Variants in CREB5 observed in about 807,000 individuals in gnomAD.
CREB5 encodes cyclic AMP-responsive element-binding protein 5.
Under a neutral mutation model 57.1 loss-of-function variants are expected in CREB5, and 19 were observed. The observed-to-expected ratio is 0.33, with a 90% CI of 0.23 to 0.49. CREB5 has a LOEUF of 0.49. Among genes scored for constraint, CREB5 ranks in the 20% least tolerant of loss-of-function variants. The probability of loss-of-function intolerance (pLI) is 0.99; values close to 1 mark genes in which losing one functional copy is unlikely to be tolerated. For missense variants in CREB5, 579 were observed against 671.6 expected (o/e 0.86, Z 1.52); for synonymous variants, 238 against 238.3 (o/e 1.00, Z 0.01).
intron 3 of CREB5, among the ~76,000 whole-genome samples, chr7:28,505,483 AT>A (rs1266752495): frequency 2.0e-5 from 3 of 152,154 alleles, no homozygotes; most frequent in South Asian, 4.1e-4. Context: ...AACTTTAGAA[AT>A]TTTTTTGAAA....
chr7:28,499,890 T>C (rs1792206621), intron 3 of CREB5, among the ~76,000 whole-genome samples: 1 of 152,206 alleles, frequency 6.6e-6, no homozygotes, highest in African/African-American at 2.4e-5. Flanking sequence ...GCCAACTGTG[T>C]GTCTTTCAAA....
Position 28,821,676 on chromosome 7 carries a change from T to G in CREB5, c.*2397T>G, listed in dbSNP as rs554394696. ...ACTCAGCTTTAAAAAGAAGTTAACA[T>G]TCATATCTCTGTTTTGAAATCAAAA... On this transcript the variant is annotated 3_prime_UTR_variant, in exon 11 of 11. Coordinates refer to ENST00000357727, the MANE Select transcript of CREB5 (RefSeq NM_182898.4). The G allele has an allele frequency of 2.6e-5, 4 of 152,302 alleles. No homozygotes were observed. The highest frequency in any genetic ancestry group is 2.6e-4 in the Admixed American group (4 of 15,298). 9.4% of individuals were successfully genotyped at this position (152,302 alleles called of 1,614,324 possible).
intron 1 of CREB5, among the ~76,000 whole-genome samples, chr7:28,484,018 T>C (rs1203433034): frequency 2.0e-5 from 3 of 152,202 alleles, no homozygotes; most frequent in Non-Finnish European, 4.4e-5. Flanking sequence ...AGGATCATTA[T>C]CCATTCCACA....
upstream of CREB5, among the ~76,000 whole-genome samples, chr7:28,407,645 T>C (rs914226122): frequency 9.2e-5 from 14 of 152,238 alleles, no homozygotes; most frequent in Non-Finnish European, 1.9e-4. Context: ...ATTTTATTTC[T>C]ACAATAAGTA....
At chr7:28,815,250 A>G (rs1309484170) in intron 9 of CREB5, among the ~76,000 whole-genome samples, 18 of 152,212 alleles carry the variant, frequency 1.2e-4, no homozygotes, top group African/African-American at 4.3e-4. Flanking sequence ...TCCAGCCTGG[A>G]CGACATAGCA....
intron 1 of CREB5, among the ~76,000 whole-genome samples, chr7:28,346,283 G>A (rs147608383): frequency 8.7e-4 from 132 of 152,338 alleles, no homozygotes; most frequent in African/African-American, 3.0e-3. Context: ...GAAGGTGTAA[G>A]ATCAAGGCAT....
At chr7:28,392,250 G>A (rs1472278926) in intron 1 of CREB5, among the ~76,000 whole-genome samples, 1 of 152,050 alleles carries the variant, frequency 6.6e-6, no homozygotes, top group East Asian at 1.9e-4. Context: ...TGACAAACCT[G>A]CACAGGTACC....
At chr7:28,306,728 T>C (rs1427812884) in intron 1 of CREB5, among the ~76,000 whole-genome samples, 3 of 152,020 alleles carry the variant, frequency 2.0e-5, no homozygotes, top group African/African-American at 7.2e-5. Context: ...GCCCGGCTAA[T>C]TTTTTGTATT....
intron 1 of CREB5, among the ~76,000 whole-genome samples, chr7:28,479,685 A>G (rs1791242065): frequency 6.6e-6 from 1 of 152,232 alleles, no homozygotes; most frequent in Non-Finnish European, 1.5e-5. Flanking sequence ...ACTTTAGAAT[A>G]CAACCTGGGA....
chr7:28,809,053 G>C (rs1222481574), intron 8 of CREB5, 134 bp from the exon 9 acceptor site: 4 of 703,066 alleles, frequency 5.7e-6, no homozygotes, highest in Admixed American at 5.9e-5. Flanking sequence ...TTCATTCATA[G>C]GAGGCAAGTC....
chr7:28,600,832 A>G (rs1796889108), intron 5 of CREB5, among the ~76,000 whole-genome samples: 1 of 152,180 alleles, frequency 6.6e-6, no homozygotes, highest in Non-Finnish European at 1.5e-5. Flanking sequence ...TTATTCCTAG[A>G]GGAGTTGTGG....
intron 1 of CREB5, among the ~76,000 whole-genome samples, chr7:28,389,816 C>T (rs1252408970): frequency 6.6e-6 from 1 of 152,034 alleles, no homozygotes; most frequent in Non-Finnish European, 1.5e-5. Context: ...AGCGGCCCCT[C>T]CCCTCCCCCT....
At chr7:28,445,134 C>G (rs143584276) in intron 1 of CREB5, among the ~76,000 whole-genome samples, 1 of 152,294 alleles carries the variant, frequency 6.6e-6, no homozygotes, top group African/African-American at 2.4e-5. Context: ...TCTTGTAAGA[C>G]GTTCCTTTGC....
intron 5 of CREB5, among the ~76,000 whole-genome samples, chr7:28,589,275 C>T (rs934092606): frequency 3.1e-4 from 47 of 152,244 alleles, no homozygotes; most frequent in African/African-American, 1.1e-3. Context: ...GATATTTGGG[C>T]TGGGCGCAGT....
At chr7:28,678,645 T>G (rs1302492419) in intron 5 of CREB5, among the ~76,000 whole-genome samples, 1 of 152,216 alleles carries the variant, frequency 6.6e-6, no homozygotes, top group Non-Finnish European at 1.5e-5. Flanking sequence ...AATGTGGAAG[T>G]GGGTTTGGAA....
At chr7:28,653,159 CAT>C (rs565250404) in intron 5 of CREB5, among the ~76,000 whole-genome samples, 28 of 152,266 alleles carry the variant, frequency 1.8e-4, no homozygotes, top group African/African-American at 5.8e-4. Context: ...TTAATCGAAA[CAT>C]GTGAGACACC....
At position 28,708,271 on chromosome 7, in the gene CREB5, C is replaced by A. The variant is rs1418025981; in HGVS notation, c.465-10482C>A. Reference sequence around the variant, plus strand: ...ACTTGAGAAATCAGGCTTTTAGCAGCCCAAGGTTGCATAGTCCATGCATGT... The same window carrying A: ...ACTTGAGAAATCAGGCTTTTAGCAGACCAAGGTTGCATAGTCCATGCATGT... On this transcript the variant is annotated intron_variant, in intron 5 of 10. Transcript: ENST00000357727. 2.0e-5 allele frequency among the ~76,000 whole-genome samples: 3 copies of A among 152,286 alleles called. No individual in the cohort carries two copies. The South Asian group carries it at 6.2e-4, about 32-fold the overall frequency.
At chr7:28,620,799 T>C (rs1797764434) in intron 5 of CREB5, among the ~76,000 whole-genome samples, 3 of 152,072 alleles carry the variant, frequency 2.0e-5, no homozygotes, top group Non-Finnish European at 4.4e-5. Context: ...GATAGCCAAG[T>C]CTTCCTAGAA....
intron 4 of CREB5, among the ~76,000 whole-genome samples, chr7:28,560,891 T>TGCATGCGC (rs1314317818): frequency 1.5e-4 from 3 of 19,726 alleles, no homozygotes; most frequent in Non-Finnish European, 2.8e-4. Flanking sequence ...TGCGTGCGTG[T>TGCATGCGC]GTGTGCGTGC....
Sources: gnomAD v4.1 joint callset for allele counts (sites outside exome capture counted in the v4.1 genomes callset) on GRCh38, gnomAD v4.1.1 for gene constraint, MANE v1.5 for transcripts, NCBI Gene and HGNC (gene_info 2026-07-23, HGNC 2026-07-21) for gene names.